The following NWD2 variants were observed in gnomAD, a reference collection of about 807,000 sequenced individuals.
NWD2 encodes NACHT and WD repeat domain containing 2.
NWD2 carries 37 observed loss-of-function variants against 132.7 expected under a neutral mutation model. The ratio of observed to expected loss-of-function variants is 0.28; its 90% confidence interval spans 0.21 to 0.37. The LOEUF is 0.37. Ranked by LOEUF, NWD2 falls within the 10% of genes least tolerant of loss-of-function variation. The pLI is 1.00. For synonymous variants in NWD2, 705 were observed against 803.0 expected (o/e 0.88, Z 2.06); for missense variants, 1,592 against 2,122.4 (o/e 0.75, Z 4.91).
chr4:37,442,374 G>T (rs1712509686), intron 6 of NWD2, among the ~76,000 whole-genome samples: 2 of 152,076 alleles, frequency 1.3e-5, no homozygotes, highest in Non-Finnish European at 1.5e-5. Context: ...AACTTAGTGG[G>T]CTCCTCACAT....
intron 2 of NWD2, among the ~76,000 whole-genome samples, chr4:37,334,461 C>T (rs1330816786): frequency 6.6e-6 from 1 of 152,180 alleles, no homozygotes; most frequent in Admixed American, 6.5e-5. Flanking sequence ...TATTTCAATG[C>T]TTGCTTCCTA....
intron 3 of NWD2, among the ~76,000 whole-genome samples, chr4:37,418,467 C>T (rs573858919): frequency 3.3e-5 from 5 of 151,878 alleles, no homozygotes; most frequent in Admixed American, 6.6e-5. Context: ...TTCCTTCTAA[C>T]GAGTACAGTA....
At position 37,370,169 on chromosome 4, in the gene NWD2, G is replaced by T. The variant is rs151046227; in HGVS notation, c.357+13687G>T. Among the ~76,000 whole-genome samples the T allele has an allele frequency of 4.0e-3, 607 of 152,262 alleles. 5 individuals are homozygous for T. The highest frequency in any genetic ancestry group is 0.013 in the African/African-American group (529 of 41,554). ...TATTATTTTTATCTTGTTTACGCATGATATCTCTGATTATGGAAGAAATAA... is the reference window on the plus strand; with the variant it reads ...TATTATTTTTATCTTGTTTACGCATTATATCTCTGATTATGGAAGAAATAA... On this transcript the variant is annotated intron_variant, in intron 3 of 6. Transcript: ENST00000309447.
At chr4:37,387,670 C>CT (rs34665816) in intron 3 of NWD2, among the ~76,000 whole-genome samples, 1,369 of 88,676 alleles carry the variant, frequency 0.015, 44 homozygotes, top group African/African-American at 0.046. Flanking sequence ...TTGAAATATT[C>CT]TTTTTTTTTT....
chr4:37,296,577 AAGT>A lies in NWD2; in HGVS notation c.152-29357_152-29355del, dbSNP rs201064868. Among the ~76,000 whole-genome samples the A allele has an allele frequency of 4.4e-3, 677 of 152,278 alleles. 20 individuals are homozygous for A. The highest frequency in any genetic ancestry group is 0.036 in the Admixed American group (556 of 15,274). On this transcript the variant is annotated intron_variant, in intron 1 of 6. Coordinates refer to ENST00000309447, the MANE Select transcript of NWD2 (RefSeq NM_001144990.2). Reference sequence around the variant, plus strand: ...GAGCTGGAGGCCAGTATTCTAAGTGAAGTAACACAGGAGTAGAAACCCAAAGAT... The same window carrying A: ...GAGCTGGAGGCCAGTATTCTAAGTGAAACACAGGAGTAGAAACCCAAAGAT...
intron 3 of NWD2, among the ~76,000 whole-genome samples, chr4:37,421,194 T>C (rs1250957385): frequency 6.6e-6 from 1 of 152,224 alleles, no homozygotes; most frequent in Non-Finnish European, 1.5e-5. Flanking sequence ...ATTTTCCCAA[T>C]TAATTCTTTC....
chr4:37,410,260 T>C (rs947339162), intron 3 of NWD2, among the ~76,000 whole-genome samples: 1 of 151,870 alleles, frequency 6.6e-6, no homozygotes, highest in African/African-American at 2.4e-5. Context: ...AGGAGACCCA[T>C]CTCACATGCA....
At chr4:37,266,720 A>G (rs934865625) in intron 1 of NWD2, among the ~76,000 whole-genome samples, 5 of 152,024 alleles carry the variant, frequency 3.3e-5, no homozygotes, top group African/African-American at 4.8e-5. Context: ...CTTAACTTAT[A>G]TCATTAATTA....
chr4:37,300,171 G>C (rs113391755), intron 1 of NWD2, among the ~76,000 whole-genome samples: 2 of 152,210 alleles, frequency 1.3e-5, no homozygotes, highest in African/African-American at 4.8e-5. Context: ...TCCTCTCTCT[G>C]TGCTTCAGTA....
intron 2 of NWD2, among the ~76,000 whole-genome samples, chr4:37,339,484 CTT>C (rs1401853291): frequency 6.6e-6 from 1 of 152,152 alleles, no homozygotes; most frequent in Non-Finnish European, 1.5e-5. Flanking sequence ...AGCAGCTAAA[CTT>C]TGCTGAGCAT....
At chr4:37,314,465 G>T (rs1176892509) in intron 1 of NWD2, among the ~76,000 whole-genome samples, 1 of 152,144 alleles carries the variant, frequency 6.6e-6, no homozygotes, top group Non-Finnish European at 1.5e-5. Context: ...GATATATTCA[G>T]ATTATCTTTC....
intron 1 of NWD2, among the ~76,000 whole-genome samples, chr4:37,292,977 G>C (rs1304103093): frequency 6.6e-6 from 1 of 152,186 alleles, no homozygotes; most frequent in Non-Finnish European, 1.5e-5. Context: ...TCGTGACCTG[G>C]GGGTTGGGGG....
intron 4 of NWD2, among the ~76,000 whole-genome samples, chr4:37,432,186 T>A (rs976151553): frequency 6.6e-6 from 1 of 152,094 alleles, no homozygotes; most frequent in Admixed American, 6.5e-5. Flanking sequence ...TTGTGCTCCT[T>A]AATTACATTT....
At chr4:37,362,223 T>C (rs1719994968) in intron 3 of NWD2, among the ~76,000 whole-genome samples, 1 of 152,188 alleles carries the variant, frequency 6.6e-6, no homozygotes, top group Non-Finnish European at 1.5e-5. Flanking sequence ...AATCAATTCA[T>C]TAAAGTGTTC....
At chr4:37,282,797 A>G (rs1011968783) in intron 1 of NWD2, among the ~76,000 whole-genome samples, 7 of 152,160 alleles carry the variant, frequency 4.6e-5, no homozygotes, top group Admixed American at 1.3e-4. Flanking sequence ...TCCCATTTCC[A>G]CAATCATCAA....
At chr4:37,433,748 T>C in intron 4 of NWD2, 128 bp from the exon 5 acceptor site, 1 of 619,018 alleles carries the variant, frequency 1.6e-6, no homozygotes, top group Non-Finnish European at 2.7e-6. Context: ...AATTAGACAC[T>C]GTCTGTAAAG....
chr4:37,301,578 T>C (rs1718612818), intron 1 of NWD2, among the ~76,000 whole-genome samples: 1 of 152,028 alleles, frequency 6.6e-6, no homozygotes, highest in South Asian at 2.1e-4. Context: ...TTACCCTTTT[T>C]TTCAGTGATT....
intron 3 of NWD2, among the ~76,000 whole-genome samples, chr4:37,399,386 C>G (rs891902166): frequency 1.3e-5 from 2 of 152,144 alleles, no homozygotes; most frequent in Non-Finnish European, 2.9e-5. Flanking sequence ...TTCCAGACAC[C>G]TTGGTTAAGA....
At position 37,444,062 on chromosome 4, in the gene NWD2, A is replaced by G; in HGVS notation, c.2074A>G (p.Lys692Glu). 1 of 1,551,880 alleles carries G rather than the reference A, an allele frequency of 6.4e-7. No individual in the cohort carries two copies. The highest frequency in any genetic ancestry group is 1.2e-5 in the South Asian group (1 of 84,062). The change falls in exon 7 of 7, where the codon AAA becomes GAA. Residue 692 changes from lysine to glutamate, a missense_variant. Transcript: ENST00000309447. This position sits in a 1 kb window ranked among gnomAD's most constrained non-coding sequence, Gnocchi z 4.8. ...AGACAACAGTGTAATGAGTGAGCTC[A>G]AAGAAAACACCAGACCCAGCAATCC... The part of the protein sequence containing the change: ...ALDNSVMSEL[K>E]ENTRPSNPLR...
Sources: gnomAD v4.1 joint callset for allele counts (sites outside exome capture counted in the v4.1 genomes callset) on GRCh38, gnomAD v4.1.1 for gene constraint, Gnocchi (gnomAD v3.1) non-coding constraint, MANE v1.5 for transcripts, NCBI Gene and HGNC (gene_info 2026-07-23, HGNC 2026-07-21) for gene names.